The following TPST1 variants were observed in gnomAD, a reference collection of about 807,000 sequenced individuals.
TPST1 encodes the protein tyrosylprotein sulfotransferase 1, also known as protein-tyrosine sulfotransferase 1.
In TPST1, 20 loss-of-function variants were observed where a neutral mutation model predicts 34.8. The ratio of observed to expected loss-of-function variants is 0.57; its 90% CI spans 0.40 to 0.84. The LOEUF (loss-of-function observed/expected upper bound fraction) is 0.84. Ranked by LOEUF, TPST1 falls within the 40% of genes least tolerant of loss-of-function variation. The pLI is 0.00. For synonymous variants in TPST1, 152 were observed against 159.4 expected (o/e 0.95, Z 0.35); for missense variants, 353 against 455.5 (o/e 0.78, Z 2.05).
chr7:66,326,163 T>G (rs1176043142), intron 3 of TPST1, among the ~76,000 whole-genome samples: 1 of 152,190 alleles, frequency 6.6e-6, no homozygotes, highest in Non-Finnish European at 1.5e-5. Flanking sequence ...TATGAAAGGA[T>G]CTTACGCTTT....
chr7:66,264,848 AT>A, intron 2 of TPST1, among the ~76,000 whole-genome samples: 1 of 152,226 alleles, frequency 6.6e-6, no homozygotes, highest in Non-Finnish European at 1.5e-5. Flanking sequence ...AACACTTTAT[AT>A]TAGCTATTTA....
chr7:66,236,235 T>A (rs961663240), intron 1 of TPST1, among the ~76,000 whole-genome samples: 24 of 152,242 alleles, frequency 1.6e-4, no homozygotes, highest in African/African-American at 5.1e-4. Context: ...CAATAATTTT[T>A]TAGTAGATTT....
intron 2 of TPST1, among the ~76,000 whole-genome samples, chr7:66,244,744 G>GT (rs1562812517): frequency 6.6e-6 from 1 of 152,302 alleles, no homozygotes; most frequent in East Asian, 1.9e-4. Flanking sequence ...TAAAAGTCAA[G>GT]TTTGCTAGGT....
At chr7:66,248,522 G>A (rs1351155381) in intron 2 of TPST1, among the ~76,000 whole-genome samples, 1 of 28,030 alleles carries the variant, frequency 3.6e-5, no homozygotes, top group Non-Finnish European at 7.4e-5. Flanking sequence ...TTTTTTTTTT[G>A]AGACAGAGTC....
At chr7:66,294,579 C>T (rs1791153466) in intron 3 of TPST1, among the ~76,000 whole-genome samples, 1 of 151,546 alleles carries the variant, frequency 6.6e-6, no homozygotes, top group Admixed American at 6.6e-5. Context: ...AAACAATAAT[C>T]GCTATCCTCT....
chr7:66,319,300 T>C (rs916458085), intron 3 of TPST1, among the ~76,000 whole-genome samples: 4 of 152,226 alleles, frequency 2.6e-5, no homozygotes, highest in Non-Finnish European at 4.4e-5. Flanking sequence ...TTTAGATCAA[T>C]TGTCTGATTC....
chr7:66,252,745 A>G (rs572783361), intron 2 of TPST1, among the ~76,000 whole-genome samples: 1 of 152,174 alleles, frequency 6.6e-6, no homozygotes, highest in African/African-American at 2.4e-5. Flanking sequence ...TTAAACTTGT[A>G]TTTACCAATC....
chr7:66,233,050 T>G lies in TPST1; in HGVS notation c.-101-7275T>G, dbSNP rs533033433. Among the ~76,000 whole-genome samples, 127 of 152,344 alleles carry G rather than the reference T, an allele frequency of 8.3e-4. 1 individual carries two copies. The South Asian group carries it at 0.012, about 15-fold the overall frequency. On this transcript the variant is annotated intron_variant, in intron 1 of 5. Transcript: ENST00000304842. ...GATTCTTTGCCCATTTTAAAATTGT[T>G]ATTTATCTTTTTATTGTTGAATTGT... is the stretch of plus-strand genomic sequence containing the variant.
rs1470564440 is a variant in TPST1 at position 66,313,751 on chromosome 7, C to G, written c.1044+27042C>G. Among the ~76,000 whole-genome samples the G allele has an allele frequency of 7.2e-5, 11 of 152,028 alleles. 1 individual carries two copies. The East Asian group carries it at 2.1e-3, about 29-fold the overall frequency. ...GCTGTAAGAATAATACAGAGAAATC[C>G]TGTGTATTCTTTCCCAAATTCATGT... On this transcript the variant is annotated intron_variant, in intron 3 of 5. Transcript: ENST00000304842.
In TPST1 at chr7:66,360,285, G is replaced by A. The variant is rs1036728268; in HGVS notation, c.*420G>A. 2 of 196,448 alleles carry A rather than the reference G, an allele frequency of 1.0e-5. No individual in the cohort carries two copies. The highest frequency in any genetic ancestry group is 2.1e-5 in the Non-Finnish European group (2 of 93,738). The allele number at this position is 196,448 out of a possible 1,614,324, so 12.2% of individuals were successfully genotyped here. ...CATGTTCTAATGTTTTGTAGAACAC[G>A]TGTGCCTGTTTAAGTGTATTGATGT... On this transcript the variant is annotated 3_prime_UTR_variant, in exon 6 of 6. Transcript: ENST00000304842.
chr7:66,255,896 C>T (rs561882716), intron 2 of TPST1, among the ~76,000 whole-genome samples: 8 of 151,838 alleles, frequency 5.3e-5, no homozygotes, highest in African/African-American at 1.7e-4. Flanking sequence ...TGAAGCAGTA[C>T]AGTTTTTTTT....
At chr7:66,313,960 C>G (rs1562840596) in intron 3 of TPST1, among the ~76,000 whole-genome samples, 1 of 152,130 alleles carries the variant, frequency 6.6e-6, no homozygotes, top group Non-Finnish European at 1.5e-5. Context: ...CAGATGCTCT[C>G]TGTCTTCCAT....
At chr7:66,216,531 G>A (rs1233205149) in intron 1 of TPST1, among the ~76,000 whole-genome samples, 4 of 150,882 alleles carry the variant, frequency 2.7e-5, no homozygotes, top group Admixed American at 1.3e-4. Flanking sequence ...GTGTAGTGGC[G>A]CGATCTTGGC....
At chr7:66,315,827 C>A (rs899663353) in intron 3 of TPST1, among the ~76,000 whole-genome samples, 3 of 151,890 alleles carry the variant, frequency 2.0e-5, no homozygotes, top group Non-Finnish European at 4.4e-5. Flanking sequence ...AAAAAAAATT[C>A]GGGCCAGGTG....
chr7:66,343,491 C>G (rs548017924), intron 3 of TPST1, among the ~76,000 whole-genome samples: 3 of 151,998 alleles, frequency 2.0e-5, no homozygotes, highest in Non-Finnish European at 2.9e-5. Flanking sequence ...CAGTTGTACC[C>G]CAGACGTCAG....
chr7:66,266,278 TAA>T (rs536062105), intron 2 of TPST1, among the ~76,000 whole-genome samples: 3 of 135,462 alleles, frequency 2.2e-5, no homozygotes, highest in Non-Finnish European at 1.6e-5. Flanking sequence ...CTAATTCTAC[TAA>T]AAAAAAAAAA....
chr7:66,206,123 CTTT>C (rs55882173), intron 1 of TPST1, among the ~76,000 whole-genome samples: 88,532 of 115,970 alleles, frequency 0.76, 33,406 homozygotes, highest in Non-Finnish European at 0.83. Flanking sequence ...GGATTCATCG[CTTT>C]TTTTTTTTTT....
intron 3 of TPST1, among the ~76,000 whole-genome samples, chr7:66,333,023 A>G (rs1346432599): frequency 6.6e-6 from 1 of 152,140 alleles, no homozygotes; most frequent in Non-Finnish European, 1.5e-5. Flanking sequence ...GATGACAAAC[A>G]TGACATATTG....
chr7:66,301,913 C>A (rs555869773), intron 3 of TPST1, among the ~76,000 whole-genome samples: 15 of 152,298 alleles, frequency 9.8e-5, no homozygotes, highest in African/African-American at 3.6e-4. Context: ...ATGTCACCAA[C>A]AGACTTGCTC....
Sources: allele counts gnomAD v4.1 joint callset (sites outside exome capture counted in the v4.1 genomes callset), GRCh38; gene constraint gnomAD v4.1.1; transcripts MANE v1.5; gene names NCBI Gene and HGNC (gene_info 2026-07-23, HGNC 2026-07-21).